SNX14: variants seen among roughly 807,000 people sequenced by gnomAD.
SNX14 encodes sorting nexin-14.
Under a neutral mutation model 133.8 loss-of-function variants are expected in SNX14, and 93 were observed. That is an observed-to-expected ratio of 0.70 (90% CI 0.59 to 0.83). The LOEUF (loss-of-function observed/expected upper bound fraction) is 0.83. SNX14 is among the 40% of genes least tolerant of loss of function. SNX14 has a pLI of 0.00. For synonymous variants in SNX14, 368 were observed against 365.6 expected, an observed-to-expected ratio of 1.01 and a Z score of -0.07; for missense variants, 945 against 1,094.9, an observed-to-expected ratio of 0.86 and a Z score of 1.93.
Position 85,525,693 on chromosome 6 carries a change from T to C in SNX14, c.2107+433A>G, listed in dbSNP as rs112040794. On this transcript the variant is annotated intron_variant, in intron 21 of 28. Transcript: ENST00000314673. ...TAATACAAAATGAGGAAGAGCATGA[T>C]ATAACTTAAAGACGTGGAAAAATGC... is the stretch of plus-strand genomic sequence containing the variant. Among the ~76,000 whole-genome samples the C allele has an allele frequency of 2.9e-3, 436 of 152,278 alleles. 4 individuals carry two copies. Among genetic ancestry groups the C allele is most frequent in the African/African-American group, 9.9e-3 (412 of 41,568 alleles).
intron 26 of SNX14, among the ~76,000 whole-genome samples, chr6:85,512,428 C>T (rs934255960): frequency 6.6e-6 from 1 of 152,042 alleles, no homozygotes; most frequent in Non-Finnish European, 1.5e-5. Context: ...TCGAGACCAG[C>T]CTGACCAACA....
At chr6:85,515,060 T>A (rs1352570625) in intron 23 of SNX14, among the ~76,000 whole-genome samples, 1 of 151,898 alleles carries the variant, frequency 6.6e-6, no homozygotes, top group African/African-American at 2.4e-5. Flanking sequence ...AGCTCGCAAG[T>A]TTGAAATCGG....
intron 1 of SNX14, among the ~76,000 whole-genome samples, chr6:85,589,937 T>C (rs891125583): frequency 1.3e-5 from 2 of 152,210 alleles, no homozygotes; most frequent in African/African-American, 2.4e-5. Context: ...TAAAGTTCTT[T>C]ATGAACCCCT....
intron 18 of SNX14, among the ~76,000 whole-genome samples, chr6:85,532,688 G>A (rs1161937072): frequency 6.6e-6 from 1 of 152,092 alleles, no homozygotes; most frequent in East Asian, 1.9e-4. Context: ...TGGAAAAAGT[G>A]CAAAGTGGTG....
chr6:85,585,386 A>T (rs191409699), intron 1 of SNX14, among the ~76,000 whole-genome samples: 129 of 151,434 alleles, frequency 8.5e-4, no homozygotes, highest in African/African-American at 1.2e-3. Flanking sequence ...AAGTATAATT[A>T]AAAAAAAACA....
In SNX14 at chr6:85,517,993, A is replaced by C. The variant is rs1373614741; in HGVS notation, c.2148+15T>G. 2.5e-6 allele frequency: 4 copies of C among 1,601,904 alleles called. No homozygotes were observed. The African/African-American group carries it at 4.0e-5, about 16-fold the overall frequency. On this transcript the variant is annotated intron_variant, in intron 22 of 28. Coordinates refer to ENST00000314673, the MANE Select transcript of SNX14 (RefSeq NM_153816.6). ...GATTATCATGTTATAGAACACACAT[A>C]AATCAGTTACTCACCTCTTTCATTA... is the stretch of plus-strand genomic sequence containing the variant.
chr6:85,549,310 T>A (rs117808793), intron 8 of SNX14, among the ~76,000 whole-genome samples: 2,099 of 152,204 alleles, frequency 0.014, 29 homozygotes, highest in Middle Eastern at 0.024. Context: ...ACAGACTAGA[T>A]GACCTCCAAT....
chr6:85,519,662 A>G (rs1776172985), intron 21 of SNX14, among the ~76,000 whole-genome samples: 1 of 152,010 alleles, frequency 6.6e-6, no homozygotes, highest in Non-Finnish European at 1.5e-5. Context: ...CGAGGTCAGG[A>G]GTTCGAGACC....
At chr6:85,585,381 T>C (rs1418367409) in intron 1 of SNX14, among the ~76,000 whole-genome samples, 2 of 150,532 alleles carry the variant, frequency 1.3e-5, no homozygotes, top group Non-Finnish European at 3.0e-5. Flanking sequence ...ACTTAAAGTA[T>C]AATTAAAAAA....
chr6:85,512,489 G>T (rs968055307), intron 26 of SNX14, among the ~76,000 whole-genome samples: 4 of 152,110 alleles, frequency 2.6e-5, no homozygotes, highest in Non-Finnish European at 5.9e-5. Flanking sequence ...AGGCGTGGTG[G>T]TGCAGGACTG....
intron 21 of SNX14, among the ~76,000 whole-genome samples, chr6:85,522,920 C>A (rs187830694): frequency 6.6e-6 from 1 of 152,262 alleles, no homozygotes; most frequent in East Asian, 1.9e-4. Flanking sequence ...TATCTCCTGC[C>A]GATTTCTATT....
chr6:85,556,471 T>TC (rs761840121), intron 7 of SNX14, among the ~76,000 whole-genome samples: 1 of 99,910 alleles, frequency 1.0e-5, no homozygotes, highest in East Asian at 2.7e-4. Context: ...TTCACATTCA[T>TC]CTTTTTTTTT....
chr6:85,572,854 G>A (rs1796119836), intron 2 of SNX14, among the ~76,000 whole-genome samples: 1 of 152,138 alleles, frequency 6.6e-6, no homozygotes. Flanking sequence ...AGCTACCCAG[G>A]AGGCTGAGGT....
intron 17 of SNX14, among the ~76,000 whole-genome samples, chr6:85,534,027 A>G (rs1562255245): frequency 6.6e-6 from 1 of 152,210 alleles, no homozygotes; most frequent in Non-Finnish European, 1.5e-5. Flanking sequence ...ATATGAAAAT[A>G]TAATAGGCCG....
Position 85,507,236 on chromosome 6 carries a change from A to T in SNX14, c.2799T>A (p.Asn933Lys). The part of the protein sequence containing the change: ...IVIQELFPEL[N>K]KVQKEVTSVT... ...AAAATTACTGCTTTTCAGTTACCTT[A>T]TTGAGCTCTGGAAACAGTTCCTGTA... Residue 933 changes from asparagine to lysine, a missense_variant, in exon 28 of 29, where the codon AAT becomes AAA. Physicochemically the swap from Asn to Lys is moderately conservative, Grantham distance 94. Coordinates refer to ENST00000314673, the MANE Select transcript of SNX14 (RefSeq NM_153816.6). The T allele has an allele frequency of 6.2e-7, 1 of 1,610,888 alleles. No homozygotes were observed.
At chr6:85,548,167 T>A (rs1786380320) in intron 9 of SNX14, 134 bp downstream of exon 9, 5 of 630,294 alleles carry the variant, frequency 7.9e-6, no homozygotes. Context: ...GTTCTGGAGA[T>A]GGGGAATGGG....
In SNX14 at chr6:85,543,691, A is replaced by T. The variant is rs1168529345; in HGVS notation, c.1178T>A (p.Leu393Ter). The change falls in exon 13 of 29, where the codon TTG (leucine) becomes TAG (stop). Residue 393 changes from leucine (L) to a stop codon, truncating the protein, a stop_gained. Transcript: ENST00000314673. LOFTEE classifies it high-confidence loss of function. ...ACAGTATGTTTTATAAATCTTCTGC[A>T]ATTCTTCATGAAGAGACAGCATTTC... ...NDEMLSLHEE[L>*]QKIYKTYCLD... 1.3e-6 allele frequency: 2 copies of T among 1,591,374 alleles called. No homozygotes were observed.
At position 85,579,847 on chromosome 6, in the gene SNX14, T is replaced by C. The variant is rs149580769; in HGVS notation, c.141-5469A>G. Among the ~76,000 whole-genome samples, 523 of 152,334 alleles carry C rather than the reference T, an allele frequency of 3.4e-3. 3 individuals are homozygous for C. The highest frequency in any genetic ancestry group is 4.5e-3 in the Non-Finnish European group (308 of 68,026). ...AAGGCAGTCTAGGCCACAAGGACTGTAACGCCTAGGCAAGTCCTACTACTG... is the reference window on the plus strand; with the variant it reads ...AAGGCAGTCTAGGCCACAAGGACTGCAACGCCTAGGCAAGTCCTACTACTG... On this transcript the variant is annotated intron_variant, in intron 1 of 28. Coordinates refer to ENST00000314673, the MANE Select transcript of SNX14 (RefSeq NM_153816.6).
chr6:85,572,372 C>T lies in SNX14; in HGVS notation c.264G>A (p.Gln88=). The change falls in exon 3 of 29, where the codon CAG becomes CAA. Residue 88 remains glutamine (Q), a splice_region_variant and synonymous_variant. Coordinates refer to ENST00000314673, the MANE Select transcript of SNX14 (RefSeq NM_153816.6). ...IFFTIKYKPK[Q]LGLQELFPQG... ...GAGGAAATAATTCCTGAAGTCCTAA[C>T]TGCTAAAAAAGGAAAATGAGAGGTG... is the stretch of plus-strand genomic sequence containing the variant. 6.2e-7 allele frequency: 1 copy of T among 1,610,258 alleles called. No individual in the cohort carries two copies. The highest frequency in any genetic ancestry group is 1.1e-5 in the South Asian group (1 of 89,830).
Sources: gnomAD v4.1 joint callset for allele counts (sites outside exome capture counted in the v4.1 genomes callset) on GRCh38, gnomAD v4.1.1 for gene constraint, MANE v1.5 for transcripts, NCBI Gene and HGNC (gene_info 2026-07-23, HGNC 2026-07-21) for gene names.